Variants in CALD1 observed in about 807,000 individuals in gnomAD.
CALD1 encodes the protein caldesmon.
Under a neutral mutation model 99.9 loss-of-function variants are expected in CALD1, and 33 were observed. The ratio of observed to expected loss-of-function variants is 0.33; its 90% CI spans 0.25 to 0.44. The LOEUF is 0.44. CALD1 is among the 20% of genes least tolerant of loss of function. The pLI, the probability that CALD1 is intolerant of heterozygous loss-of-function variation, is 1.00. For synonymous variants in CALD1, 310 were observed against 325.0 expected (o/e 0.95, Z 0.50); for missense variants, 861 against 962.1 (o/e 0.89, Z 1.39).
intron 1 of CALD1, among the ~76,000 whole-genome samples, chr7:134,810,693 C>G (rs577522875): frequency 6.6e-6 from 1 of 152,268 alleles, no homozygotes; most frequent in Non-Finnish European, 1.5e-5. Flanking sequence ...TTCATAAAAC[C>G]CAAAGTTTAC....
At chr7:134,855,601 T>C (rs1586119992) in intron 2 of CALD1, among the ~76,000 whole-genome samples, 1 of 152,248 alleles carries the variant, frequency 6.6e-6, no homozygotes, top group African/African-American at 2.4e-5. Flanking sequence ...GGCCACAGGG[T>C]TGACTACTTG....
chr7:134,872,357 CAAAAAAAAAA>C (rs35569742), intron 3 of CALD1, among the ~76,000 whole-genome samples: 1 of 100,446 alleles, frequency 1.0e-5, no homozygotes, highest in East Asian at 3.5e-4. Flanking sequence ...GACTCGGTCT[CAAAAAAAAAA>C]AAAAAAAAAA....
At chr7:134,769,597 CTCTG>C (rs144286324) in intron 1 of CALD1, among the ~76,000 whole-genome samples, 7,896 of 152,112 alleles carry the variant, frequency 0.052, 405 homozygotes, top group African/African-American at 0.12. Flanking sequence ...CACTCTCTCT[CTCTG>C]TGTCAGTTGA....
At chr7:134,766,898 C>A (rs935636047) in intron 1 of CALD1, among the ~76,000 whole-genome samples, 4 of 151,986 alleles carry the variant, frequency 2.6e-5, no homozygotes, top group Non-Finnish European at 5.9e-5. Flanking sequence ...AGGTCATGGA[C>A]AAAGAATGGG....
chr7:134,887,721 C>T (rs766068008), intron 3 of CALD1, among the ~76,000 whole-genome samples: 27 of 143,476 alleles, frequency 1.9e-4, no homozygotes, highest in Non-Finnish European at 3.2e-4. Flanking sequence ...TGCATGCATG[C>T]GTATATGTGT....
At chr7:134,891,822 AGT>A in intron 3 of CALD1, 1 of 653,196 alleles carries the variant, frequency 1.5e-6, no homozygotes, top group East Asian at 2.8e-5. Flanking sequence ...GAATGCAGTG[AGT>A]GTGTGAGTTT....
At chr7:134,846,860 G>A (rs770104288) in intron 2 of CALD1, among the ~76,000 whole-genome samples, 2 of 152,140 alleles carry the variant, frequency 1.3e-5, no homozygotes, top group African/African-American at 2.4e-5. Context: ...CCATTTTCTC[G>A]AAGGTACCCA....
intron 2 of CALD1, among the ~76,000 whole-genome samples, chr7:134,854,780 C>G (rs1800228203): frequency 6.6e-6 from 1 of 152,100 alleles, no homozygotes; most frequent in Admixed American, 6.5e-5. Flanking sequence ...TTCTGGCCCA[C>G]GAAGCTATCT....
chr7:134,788,467 A>G (rs950351485), intron 1 of CALD1, among the ~76,000 whole-genome samples: 2 of 152,184 alleles, frequency 1.3e-5, no homozygotes, highest in Non-Finnish European at 2.9e-5. Context: ...ACCCTAAGGG[A>G]TGCGGTGGTA....
At chr7:134,961,744 C>T (rs1808279152) in intron 13 of CALD1, 1 of 152,092 alleles carries the variant, frequency 6.6e-6, no homozygotes, top group Non-Finnish European at 1.5e-5. Context: ...TTTCCTCCCC[C>T]TCTCAATAGG....
intron 1 of CALD1, among the ~76,000 whole-genome samples, chr7:134,788,161 T>C (rs1797379294): frequency 6.6e-6 from 1 of 152,222 alleles, no homozygotes; most frequent in South Asian, 2.1e-4. Flanking sequence ...ACACATTATA[T>C]GAAGAGCCAA....
intron 3 of CALD1, among the ~76,000 whole-genome samples, chr7:134,912,025 G>A (rs547703058): frequency 3.3e-5 from 5 of 151,902 alleles, no homozygotes; most frequent in South Asian, 2.1e-4. Flanking sequence ...GCGGGGTCTC[G>A]GTAAAAATGG....
intron 3 of CALD1, among the ~76,000 whole-genome samples, chr7:134,924,074 T>C (rs1239904620): frequency 6.6e-6 from 1 of 152,230 alleles, no homozygotes; most frequent in East Asian, 1.9e-4. Flanking sequence ...TGTGTTGCTA[T>C]TGAAATTATA....
chr7:134,943,337 C>A (rs2881758), intron 7 of CALD1, among the ~76,000 whole-genome samples: 83,538 of 151,538 alleles, frequency 0.55, 23,310 homozygotes, highest in Admixed American at 0.61. Context: ...CTTTATGGAA[C>A]GATTTCCACA....
intron 1 of CALD1, among the ~76,000 whole-genome samples, chr7:134,811,885 ATT>A (rs3837074): frequency 6.6e-6 from 1 of 151,310 alleles, no homozygotes; most frequent in African/African-American, 2.4e-5. Flanking sequence ...AATATGTGCT[ATT>A]TTTTTTTCCT....
intron 3 of CALD1, among the ~76,000 whole-genome samples, chr7:134,914,304 G>T (rs1180992731): frequency 1.3e-5 from 2 of 152,186 alleles, no homozygotes; most frequent in African/African-American, 4.8e-5. Flanking sequence ...GGTCCTCCAT[G>T]GTGCTGCTGT....
Position 134,904,459 on chromosome 7 carries a change from C to T in CALD1, c.72-24295C>T, listed in dbSNP as rs78888002. ...AGCTGGGCATGGTGGCACACACCTG[C>T]AGTCCCAGCTACTCAAGAGGCTGCG... is the stretch of plus-strand genomic sequence containing the variant. On this transcript the variant is annotated intron_variant, in intron 3 of 14. Transcript: ENST00000361675. Among the ~76,000 whole-genome samples the T allele has an allele frequency of 0.017, 2,614 of 151,830 alleles. 186 individuals are homozygous for T. In the East Asian group the frequency reaches 0.23, roughly 14 times the overall value.
intron 1 of CALD1, among the ~76,000 whole-genome samples, chr7:134,812,558 C>T (rs1798392008): frequency 6.7e-6 from 1 of 149,802 alleles, no homozygotes; most frequent in African/African-American, 2.5e-5. Flanking sequence ...TATCCATTTA[C>T]CAGCGCACCA....
intron 1 of CALD1, among the ~76,000 whole-genome samples, chr7:134,829,287 A>G (rs1799128786): frequency 6.6e-6 from 1 of 152,236 alleles, no homozygotes; most frequent in African/African-American, 2.4e-5. Flanking sequence ...AACATCTTAA[A>G]ACTCTATGTC....
Sources: gnomAD v4.1 joint callset for allele counts (sites outside exome capture counted in the v4.1 genomes callset) on GRCh38, gnomAD v4.1.1 for gene constraint, MANE v1.5 for transcripts, NCBI Gene and HGNC (gene_info 2026-07-23, HGNC 2026-07-21) for gene names.